SPAG17: variants seen among roughly 807,000 people sequenced by gnomAD.
SPAG17 encodes sperm associated antigen 17.
Under a neutral mutation model 273.6 loss-of-function variants are expected in SPAG17, and 169 were observed. The ratio of observed to expected loss-of-function variants is 0.62; its 90% CI spans 0.55 to 0.70. SPAG17 has a LOEUF of 0.70. SPAG17 is among the 30% of genes least tolerant of loss of function. The probability of loss-of-function intolerance (pLI) is 0.00; values close to 1 mark genes in which losing one functional copy is unlikely to be tolerated. For missense variants in SPAG17, 2,557 were observed against 2,627.8 expected (o/e 0.97, Z 0.59); for synonymous variants, 825 against 873.2 (o/e 0.94, Z 0.97).
At chr1:118,129,997 T>G (rs1245254914) in intron 3 of SPAG17, among the ~76,000 whole-genome samples, 1 of 152,158 alleles carries the variant, frequency 6.6e-6, no homozygotes, top group African/African-American at 2.4e-5. Context: ...TATCAAAAAG[T>G]TGTAGTGTTT....
chr1:118,119,009 A>G (rs1657260348), intron 3 of SPAG17, among the ~76,000 whole-genome samples: 1 of 152,172 alleles, frequency 6.6e-6, no homozygotes, highest in Middle Eastern at 3.2e-3. Flanking sequence ...TCTCCTTCTA[A>G]GCATTCCTCT....
At chr1:118,147,591 T>C (rs1303566184) in intron 3 of SPAG17, among the ~76,000 whole-genome samples, 1 of 152,178 alleles carries the variant, frequency 6.6e-6, no homozygotes, top group Non-Finnish European at 1.5e-5. Context: ...CTCTACAGAA[T>C]TACATTAGCA....
chr1:118,077,873 A>C (rs1654232185), intron 15 of SPAG17, among the ~76,000 whole-genome samples: 1 of 152,192 alleles, frequency 6.6e-6, no homozygotes, highest in Non-Finnish European at 1.5e-5. Flanking sequence ...TCTGGAACTC[A>C]GGAAGCTGCA....
chr1:118,081,070 C>T (rs1372437815), intron 15 of SPAG17, 31 bp downstream of exon 15: 1 of 1,459,216 alleles, frequency 6.9e-7, no homozygotes. Flanking sequence ...CACACACACA[C>T]ACACACACAC....
chr1:118,148,851 A>G (rs535097853), intron 3 of SPAG17, among the ~76,000 whole-genome samples: 2 of 152,266 alleles, frequency 1.3e-5, no homozygotes, highest in East Asian at 3.9e-4. Context: ...GTGACTTTTC[A>G]ATTGTCTTGG....
At chr1:118,167,602 TAAAATA>T (rs1434076905) in intron 1 of SPAG17, among the ~76,000 whole-genome samples, 1 of 152,178 alleles carries the variant, frequency 6.6e-6, no homozygotes, top group African/African-American at 2.4e-5. Context: ...GCATTATAAT[TAAAATA>T]AAAGTAAAAC....
At chr1:118,077,357 C>T (rs1018012300) in intron 15 of SPAG17, among the ~76,000 whole-genome samples, 1 of 152,020 alleles carries the variant, frequency 6.6e-6, no homozygotes. Context: ...CTGAGATCCA[C>T]CCTCCAGATT....
intron 3 of SPAG17, among the ~76,000 whole-genome samples, chr1:118,139,050 C>T (rs1327157571): frequency 1.3e-5 from 2 of 151,380 alleles, no homozygotes; most frequent in South Asian, 2.1e-4. Context: ...GGGTTACTAT[C>T]CAAAATATAT....
intron 4 of SPAG17, among the ~76,000 whole-genome samples, chr1:118,111,818 G>A (rs1203055642): frequency 1.1e-4 from 16 of 152,072 alleles, no homozygotes; most frequent in East Asian, 3.8e-4. Context: ...GTTCTTTACC[G>A]CCTATCTTCC....
chr1:118,018,125 C>T (rs902678105), intron 28 of SPAG17, among the ~76,000 whole-genome samples: 2 of 152,144 alleles, frequency 1.3e-5, no homozygotes, highest in African/African-American at 2.4e-5. Flanking sequence ...GGGTTTTTGT[C>T]AAACTGTGTG....
At chr1:118,019,439 A>C (rs1191710501) in intron 28 of SPAG17, among the ~76,000 whole-genome samples, 2 of 152,236 alleles carry the variant, frequency 1.3e-5, no homozygotes, top group African/African-American at 4.8e-5. Flanking sequence ...TTTAGAATGA[A>C]GCTCAGAGAA....
intron 3 of SPAG17, among the ~76,000 whole-genome samples, chr1:118,139,325 G>C (rs1253465133): frequency 1.3e-5 from 2 of 152,114 alleles, no homozygotes; most frequent in Non-Finnish European, 2.9e-5. Context: ...GTGTCAGCCA[G>C]GATGTGGAGA....
At chr1:118,055,520 G>A (rs1174202048) in intron 19 of SPAG17, among the ~76,000 whole-genome samples, 1 of 151,998 alleles carries the variant, frequency 6.6e-6, no homozygotes, top group Non-Finnish European at 1.5e-5. Flanking sequence ...CAAGAAGTGG[G>A]GGGTCAATAT....
chr1:118,039,174 A>C (rs1649436908), intron 23 of SPAG17, 118 bp downstream of exon 23: 3 of 1,065,414 alleles, frequency 2.8e-6, no homozygotes, highest in Middle Eastern at 2.6e-4. Context: ...TTAATAAGAG[A>C]GTGTACTGGT....
chr1:118,060,684 C>G (rs750254068), intron 18 of SPAG17, among the ~76,000 whole-genome samples: 9 of 152,078 alleles, frequency 5.9e-5, no homozygotes, highest in Non-Finnish European at 1.3e-4. Flanking sequence ...TGACAACTCC[C>G]TTTGAGTATT....
rs1654521967 is a variant in SPAG17, at chr1:118,081,085, AC to A, written c.2209+15del. On this transcript the variant is annotated intron_variant, in intron 15 of 48. Coordinates refer to ENST00000336338, the MANE Select transcript of SPAG17 (RefSeq NM_206996.4). ...CACACACACACACACACACACACAC[AC>A]ACACTTTAACTTACCCAGAGACTCA... The A allele has an allele frequency of 1.5e-6, 2 of 1,368,658 alleles. No homozygotes were observed. The highest frequency in any genetic ancestry group is 3.1e-5 in the African/African-American group (2 of 63,726). The allele number at this position is 1,368,658 out of a possible 1,614,324, so 84.8% of individuals were successfully genotyped here.
At chr1:118,061,283 C>T (rs1212089548) in intron 18 of SPAG17, among the ~76,000 whole-genome samples, 1 of 151,792 alleles carries the variant, frequency 6.6e-6, no homozygotes, top group Non-Finnish European at 1.5e-5. Flanking sequence ...TCCACAGTAG[C>T]CAAGATAAAA....
chr1:117,981,038 T>C (rs1206321270), intron 43 of SPAG17, among the ~76,000 whole-genome samples: 1 of 152,202 alleles, frequency 6.6e-6, no homozygotes, highest in African/African-American at 2.4e-5. Flanking sequence ...CAAAAAAGGA[T>C]TTCTTTGTAT....
At chr1:118,052,629 C>G (rs1419155984) in intron 20 of SPAG17, among the ~76,000 whole-genome samples, 1 of 151,852 alleles carries the variant, frequency 6.6e-6, no homozygotes, top group Non-Finnish European at 1.5e-5. Context: ...ATAATATGTA[C>G]ATAATTCAAA....
Sources: allele counts gnomAD v4.1 joint callset (sites outside exome capture counted in the v4.1 genomes callset), GRCh38; gene constraint gnomAD v4.1.1; transcripts MANE v1.5; gene names NCBI Gene and HGNC (gene_info 2026-07-23, HGNC 2026-07-21).